The following NLGN4X variants were observed in gnomAD, a reference collection of about 807,000 sequenced individuals.
NLGN4X encodes neuroligin 4 X-linked, also known as neuroligin-4, X-linked.
Under a neutral mutation model 40.3 loss-of-function variants are expected in NLGN4X, and 3 were observed. The observed-to-expected ratio is 0.07, with a 90% CI of 0.03 to 0.19. The LOEUF (loss-of-function observed/expected upper bound fraction) is 0.19. Among genes scored for constraint, NLGN4X ranks in the 10% least tolerant of loss-of-function variants. The pLI is 1.00. For synonymous variants in NLGN4X, 270 were observed against 306.8 expected (o/e 0.88, Z 1.25); for missense variants, 382 against 708.3 (o/e 0.54, Z 5.23).
chrX:6,072,528 G>A (rs1443822801), intron 2 of NLGN4X, among the ~76,000 whole-genome samples: 1 of 111,770 alleles, frequency 8.9e-6, no homozygotes, highest in East Asian at 2.8e-4. Context: ...GCACAACAGT[G>A]TGAATATTGT....
intron 2 of NLGN4X, among the ~76,000 whole-genome samples, chrX:6,098,901 T>C (rs1353871449): frequency 8.9e-6 from 1 of 112,566 alleles, no homozygotes; most frequent in African/African-American, 3.2e-5. Context: ...TTTGTAATTA[T>C]ACTTGTGGGT....
At chrX:6,221,532 C>T (rs1368939543) in intron 1 of NLGN4X, among the ~76,000 whole-genome samples, 2 of 106,587 alleles carry the variant, frequency 1.9e-5, no homozygotes, top group Non-Finnish European at 1.9e-5. Context: ...TGTGTATACA[C>T]CCGCTCATAC....
In NLGN4X at chrX:6,081,282, T is replaced by C. The variant is rs1402248134; in HGVS notation, c.473-51850A>G. ...CAGCCTGGGTGACAGACTGAGACCC[T>C]TTCTCAAAAAAAATTGTAGAGACGG... On this transcript the variant is annotated intron_variant, in intron 2 of 5. Transcript: ENST00000381095. 4.5e-5 allele frequency among the ~76,000 whole-genome samples: 5 copies of C among 111,450 alleles called. No homozygotes were observed. The South Asian group carries it at 1.5e-3, about 34-fold the overall frequency.
At chrX:6,007,996 T>C (rs1297500926) in intron 3 of NLGN4X, among the ~76,000 whole-genome samples, 1 of 111,859 alleles carries the variant, frequency 8.9e-6, no homozygotes, top group Non-Finnish European at 1.9e-5. Flanking sequence ...GATTGTTGTT[T>C]AGTTTGTTTA....
intron 1 of NLGN4X, among the ~76,000 whole-genome samples, chrX:6,225,681 C>CTTTTTTTTTTTTTTTTTTTTTTTTTTTT (rs1569309354): frequency 2.4e-4 from 8 of 33,792 alleles, no homozygotes; most frequent in African/African-American, 3.7e-4. Flanking sequence ...TTTTTTCTTT[C>CTTTTTTTTTTTTTTTTTTTTTTTTTTTT]TTTTTTTCTT....
intron 3 of NLGN4X, among the ~76,000 whole-genome samples, chrX:5,914,185 T>A (rs2032655476): frequency 8.9e-6 from 1 of 112,318 alleles, no homozygotes. Context: ...CTGCTGCATG[T>A]TGACTGAAGT....
At position 6,228,591 on chromosome X, in the gene NLGN4X, C is replaced by T. The variant is rs1372693844; in HGVS notation, c.-356G>A. 1 of 111,020 alleles carries T rather than the reference C, an allele frequency of 9.0e-6. No individual in the cohort carries two copies. Among genetic ancestry groups the T allele is most frequent in the East Asian group, 2.8e-4 (1 of 3,529 alleles). The allele number at this position is 111,020 out of a possible 1,213,427, so 9.1% of individuals were successfully genotyped here. A position where few individuals can be genotyped will look rare whatever the true frequency, so the allele number is the denominator to read the frequency against. ...CCGTTAAGAGTTCTTTTTACACGTCCAGATTTTTCTAGGGAACCCGAAACG... is the reference window on the plus strand; with the variant it reads ...CCGTTAAGAGTTCTTTTTACACGTCTAGATTTTTCTAGGGAACCCGAAACG... On this transcript the variant is annotated 5_prime_UTR_variant, in exon 1 of 6. Coordinates refer to ENST00000381095, the MANE Select transcript of NLGN4X (RefSeq NM_181332.3).
intron 1 of NLGN4X, among the ~76,000 whole-genome samples, chrX:6,225,689 C>CTTTTTTTTTTTTTTTTTTTTT: frequency 0.027 from 727 of 26,881 alleles, 100 homozygotes; most frequent in Admixed American, 0.034. Flanking sequence ...TTCTTTTTTT[C>CTTTTTTTTTTTTTTTTTTTTT]TTTTTTTTTT....
intron 3 of NLGN4X, among the ~76,000 whole-genome samples, chrX:5,951,459 G>A (rs781435929): frequency 2.7e-5 from 3 of 111,292 alleles, no homozygotes; most frequent in East Asian, 2.8e-4. Flanking sequence ...CTGGGAGGAC[G>A]GGGGGTTGGG....
intron 1 of NLGN4X, among the ~76,000 whole-genome samples, chrX:6,167,434 C>A (rs778949310): frequency 3.6e-5 from 4 of 112,234 alleles, no homozygotes; most frequent in Non-Finnish European, 7.5e-5. Flanking sequence ...ACTTAAATAT[C>A]AAGACTAAGA....
chrX:5,921,133 T>TTATATA (rs768542616), intron 3 of NLGN4X, among the ~76,000 whole-genome samples: 1 of 65,013 alleles, frequency 1.5e-5, no homozygotes, highest in East Asian at 7.0e-4. Context: ...TAAGTATTTT[T>TTATATA]TATATATATA....
At chrX:6,213,915 T>TAC (rs1457424920) in intron 1 of NLGN4X, among the ~76,000 whole-genome samples, 1 of 112,094 alleles carries the variant, frequency 8.9e-6, no homozygotes, top group African/African-American at 3.2e-5. Flanking sequence ...CCAGCGCACT[T>TAC]ACTTTAAAGC....
intron 2 of NLGN4X, among the ~76,000 whole-genome samples, chrX:6,131,696 T>C (rs777694812): frequency 1.8e-5 from 2 of 112,329 alleles, no homozygotes; most frequent in East Asian, 5.6e-4. Context: ...TTCTGTAGCT[T>C]TGGAGCACTT....
At chrX:6,086,792 T>C (rs2147429180) in intron 2 of NLGN4X, among the ~76,000 whole-genome samples, 1 of 110,762 alleles carries the variant, frequency 9.0e-6, no homozygotes, top group Non-Finnish European at 1.9e-5. Flanking sequence ...TCACCACGCC[T>C]GGCTAGATTT....
At chrX:5,965,589 T>C (rs2034807565) in intron 3 of NLGN4X, among the ~76,000 whole-genome samples, 1 of 111,884 alleles carries the variant, frequency 8.9e-6, no homozygotes, top group Admixed American at 9.5e-5. Flanking sequence ...GATGGTGGAA[T>C]GCAGTGTTTG....
intron 3 of NLGN4X, among the ~76,000 whole-genome samples, chrX:5,929,238 A>T (rs777378808): frequency 1.4e-3 from 159 of 111,469 alleles, no homozygotes; most frequent in African/African-American, 4.9e-3. Flanking sequence ...CGAGGTGGGA[A>T]GATCACCTGA....
intron 3 of NLGN4X, among the ~76,000 whole-genome samples, chrX:5,920,599 G>A: frequency 8.9e-6 from 1 of 112,031 alleles, no homozygotes; most frequent in Admixed American, 9.5e-5. Context: ...ATATGTGGTA[G>A]GAGTGGGGAT....
chrX:6,068,508 G>C (rs1160929946), intron 2 of NLGN4X, among the ~76,000 whole-genome samples: 1 of 111,679 alleles, frequency 9.0e-6, no homozygotes, highest in East Asian at 2.8e-4. Flanking sequence ...GGAGGAGATA[G>C]GGAAAGCGTT....
chrX:6,219,563 TCTTTCTTTCTTC>T (rs1303216831), intron 1 of NLGN4X, among the ~76,000 whole-genome samples: 153 of 67,919 alleles, frequency 2.3e-3, no homozygotes, highest in African/African-American at 8.1e-3. Flanking sequence ...TTTCTTTCTT[TCTTTCTTTCTTC>T]CTTCCTTCCT....
Sources: allele counts gnomAD v4.1 joint callset (sites outside exome capture counted in the v4.1 genomes callset), GRCh38; gene constraint gnomAD v4.1.1; transcripts MANE v1.5; gene names NCBI Gene and HGNC (gene_info 2026-07-23, HGNC 2026-07-21).